Variants in AUTS2 observed in about 807,000 individuals in gnomAD.
The protein encoded by AUTS2 is autism susceptibility gene 2 protein.
In AUTS2, 17 loss-of-function variants were observed where a neutral mutation model predicts 112.4. The observed-to-expected ratio is 0.15, with a 90% CI of 0.10 to 0.23. The LOEUF (loss-of-function observed/expected upper bound fraction) is 0.23, where lower values mean the gene tolerates loss of function less well. Among genes scored for constraint, AUTS2 ranks in the 10% least tolerant of loss-of-function variants. The probability of loss-of-function intolerance (pLI) is 1.00; values close to 1 mark genes in which losing one functional copy is unlikely to be tolerated. For synonymous variants in AUTS2, 751 were observed against 702.7 expected (o/e 1.07, Z -1.09); for missense variants, 1,510 against 1,701.6 (o/e 0.89, Z 1.98).
At chr7:70,446,349 G>A (rs1430951366) in intron 5 of AUTS2, among the ~76,000 whole-genome samples, 3 of 152,150 alleles carry the variant, frequency 2.0e-5, no homozygotes, top group South Asian at 2.1e-4. Context: ...AGCTGATTAC[G>A]GCACAACACT....
In AUTS2 at chr7:70,790,615, C is replaced by T. The variant is rs1415705404; in HGVS notation, c.3399C>T (p.His1133=). Residue 1133 remains histidine, a synonymous_variant, in exon 19 of 19, where the codon CAC becomes CAT. Transcript: ENST00000342771. This position sits in a 1 kb window ranked among gnomAD's most constrained non-coding sequence, Gnocchi z 7.6. ...GCCACCACCACCACCACCACCACCA[C>T]CCGCTGTCTGTGGACCCTCGGCGGG... ...DYSHHHHHHH[H]PLSVDPRREH... 6.2e-7 allele frequency: 1 copy of T among 1,609,080 alleles called. No individual in the cohort carries two copies. The highest frequency in any genetic ancestry group is 1.3e-5 in the African/African-American group (1 of 74,800).
At chr7:70,104,833 T>G (rs1804684790) in intron 2 of AUTS2, among the ~76,000 whole-genome samples, 1 of 152,212 alleles carries the variant, frequency 6.6e-6, no homozygotes, top group Admixed American at 6.5e-5. Flanking sequence ...TTGTGTTCTT[T>G]CTCTCTTTTT....
chr7:70,160,255 A>G (rs1427203241), intron 4 of AUTS2, among the ~76,000 whole-genome samples: 1 of 152,206 alleles, frequency 6.6e-6, no homozygotes, highest in African/African-American at 2.4e-5. Flanking sequence ...ACCATGATGT[A>G]GCTGCTGAAA....
intron 1 of AUTS2, among the ~76,000 whole-genome samples, chr7:69,664,086 G>A (rs1047755038): frequency 6.6e-6 from 1 of 152,212 alleles, no homozygotes; most frequent in African/African-American, 2.4e-5. Context: ...TCCGGACTCA[G>A]TCTGTGTGCC....
chr7:70,231,902 T>C (rs969660457), intron 4 of AUTS2, among the ~76,000 whole-genome samples: 4 of 151,926 alleles, frequency 2.6e-5, no homozygotes, highest in Admixed American at 2.6e-4. Context: ...GCTTCCCGAG[T>C]AGCTGGGAGT....
chr7:69,634,213 G>A (rs1025759776), intron 1 of AUTS2, among the ~76,000 whole-genome samples: 2 of 151,040 alleles, frequency 1.3e-5, no homozygotes, highest in Non-Finnish European at 2.9e-5. Flanking sequence ...TCCGCCTCCC[G>A]GGTTCACGCC....
At chr7:70,337,714 T>A (rs991183363) in intron 4 of AUTS2, among the ~76,000 whole-genome samples, 3 of 152,216 alleles carry the variant, frequency 2.0e-5, no homozygotes, top group African/African-American at 7.2e-5. Context: ...TCTTCTTTTA[T>A]GAAAAATAGC....
intron 2 of AUTS2, among the ~76,000 whole-genome samples, chr7:69,982,468 G>A (rs1316271472): frequency 7.7e-6 from 1 of 130,468 alleles, no homozygotes; most frequent in Non-Finnish European, 1.6e-5. Flanking sequence ...ATCCTGAGGG[G>A]GGAAAAAAAA....
At chr7:69,705,119 G>A (rs989320361) in intron 1 of AUTS2, among the ~76,000 whole-genome samples, 3 of 152,122 alleles carry the variant, frequency 2.0e-5, no homozygotes, top group Non-Finnish European at 4.4e-5. Flanking sequence ...TGCCTGCCTC[G>A]GCCTCCCACA....
At position 69,599,767 on chromosome 7, in the gene AUTS2, C is replaced by T. The variant is rs1321602001; in HGVS notation, c.114C>T (p.Gly38=). ...GGLGAGAAGG[G]GAGRTRALSL... ...TGGGGGCCGGCGCGGCCGGCGGCGGCGGGGCTGGCCGGACCCGGGCGCTCT... is the reference window on the plus strand; with the variant it reads ...TGGGGGCCGGCGCGGCCGGCGGCGGTGGGGCTGGCCGGACCCGGGCGCTCT... The change falls in exon 1 of 19, where the codon GGC becomes GGT. Residue 38 remains glycine (G), a synonymous_variant. Coordinates refer to ENST00000342771, the MANE Select transcript of AUTS2 (RefSeq NM_015570.4). This position sits in a 1 kb window ranked among gnomAD's most constrained non-coding sequence, Gnocchi z 7.0. The T allele has an allele frequency of 7.9e-6, 11 of 1,395,540 alleles. No individual in the cohort carries two copies. The highest frequency in any genetic ancestry group is 1.7e-5 in the South Asian group (1 of 58,524). 86.4% of individuals were successfully genotyped at this position (1,395,540 alleles called of 1,614,324 possible).
At chr7:70,430,981 G>A (rs1457188583) in intron 4 of AUTS2, among the ~76,000 whole-genome samples, 6 of 151,772 alleles carry the variant, frequency 4.0e-5, no homozygotes, top group Admixed American at 3.9e-4. Context: ...GACTACAGGC[G>A]CCCGCCAGCA....
intron 4 of AUTS2, among the ~76,000 whole-genome samples, chr7:70,370,430 A>G (rs1792789170): frequency 6.6e-6 from 1 of 152,170 alleles, no homozygotes; most frequent in Non-Finnish European, 1.5e-5. Context: ...GAATCATACA[A>G]TATATGGTCC....
At chr7:70,018,438 T>G (rs1190012805) in intron 2 of AUTS2, among the ~76,000 whole-genome samples, 1 of 152,198 alleles carries the variant, frequency 6.6e-6, no homozygotes, top group Non-Finnish European at 1.5e-5. Context: ...CACTCAGTTT[T>G]GTAAATGAAG....
At chr7:70,516,058 A>G (rs928346393) in intron 5 of AUTS2, among the ~76,000 whole-genome samples, 2 of 152,122 alleles carry the variant, frequency 1.3e-5, no homozygotes, top group African/African-American at 4.8e-5. Flanking sequence ...CTGATTCATT[A>G]CTGTGTGTTA....
intron 1 of AUTS2, among the ~76,000 whole-genome samples, chr7:69,817,727 C>T (rs1790823597): frequency 6.6e-6 from 1 of 152,122 alleles, no homozygotes; most frequent in African/African-American, 2.4e-5. Flanking sequence ...TAAACCATGG[C>T]CTGCCTTGGG....
In AUTS2 at chr7:70,418,073, T is replaced by TTC. The variant is rs985238516; in HGVS notation, c.661-17677_661-17676dup. ...TGTCACCCAGGCTTGGTGGCTAACT[T>TTC]TCTGTGTGTGTGTGTGTGTGTGTGT... On this transcript the variant is annotated intron_variant, in intron 4 of 18. Transcript: ENST00000342771. Among the ~76,000 whole-genome samples, 5 of 123,318 alleles carry TTC rather than the reference T, an allele frequency of 4.1e-5. 1 individual carries two copies. The South Asian group carries it at 1.1e-3, about 27-fold the overall frequency. 80.9% of individuals were successfully genotyped at this position (123,318 alleles called of 152,430 possible). A position where few individuals can be genotyped will look rare whatever the true frequency, so the allele number is the denominator to read the frequency against.
chr7:70,593,779 C>T (rs902634025), intron 5 of AUTS2, among the ~76,000 whole-genome samples: 1 of 152,202 alleles, frequency 6.6e-6, no homozygotes, highest in Non-Finnish European at 1.5e-5. Flanking sequence ...GCTGCAGGCG[C>T]AGGGACTTGC....
At chr7:69,600,435 G>GTC (rs1258478895) in intron 1 of AUTS2, among the ~76,000 whole-genome samples, 3 of 151,202 alleles carry the variant, frequency 2.0e-5, no homozygotes, top group Admixed American at 6.6e-5. Context: ...GTGTGTGTGT[G>GTC]TGTGTGTCTG....
rs554911730 is a variant in AUTS2, at chr7:70,390,809, G to A, written c.661-44943G>A. ...ATTCATGTTCTATATGATATAGCCA[G>A]GCCGTGTTAGAGCAGTGGTCCTCAA... On this transcript the variant is annotated intron_variant, in intron 4 of 18. Coordinates refer to ENST00000342771, the MANE Select transcript of AUTS2 (RefSeq NM_015570.4). 2.0e-5 allele frequency among the ~76,000 whole-genome samples: 3 copies of A among 152,212 alleles called. No individual in the cohort carries two copies. The South Asian group carries it at 6.2e-4, about 32-fold the overall frequency.
Sources: gnomAD v4.1 joint callset for allele counts (sites outside exome capture counted in the v4.1 genomes callset) on GRCh38, gnomAD v4.1.1 for gene constraint, Gnocchi (gnomAD v3.1) non-coding constraint, MANE v1.5 for transcripts, NCBI Gene and HGNC (gene_info 2026-07-23, HGNC 2026-07-21) for gene names.